FMO4: variants seen among roughly 807,000 people sequenced by gnomAD.
The protein encoded by FMO4 is flavin containing dimethylaniline monoxygenase 4.
In FMO4, 38 loss-of-function variants were observed where a neutral mutation model predicts 43.3. The observed-to-expected ratio is 0.88, with a 90% CI of 0.68 to 1.15. The LOEUF (loss-of-function observed/expected upper bound fraction) is 1.15. FMO4 is among the 50% of genes most tolerant of loss of function. The pLI, the probability that FMO4 is intolerant of heterozygous loss-of-function variation, is 0.00. For synonymous variants in FMO4, 224 were observed against 232.2 expected, an observed-to-expected ratio of 0.96 and a Z score of 0.32; for missense variants, 631 against 663.3, an observed-to-expected ratio of 0.95 and a Z score of 0.54.
intron 5 of FMO4, among the ~76,000 whole-genome samples, chr1:171,324,626 T>C (rs952626175): frequency 1.9e-4 from 29 of 152,112 alleles, no homozygotes; most frequent in Non-Finnish European, 4.4e-5. Flanking sequence ...AAATTACAGG[T>C]AATTTGAATC....
At chr1:171,331,602 TA>T (rs1558040551) in intron 5 of FMO4, 37 bp from the exon 6 acceptor site, 1 of 1,606,038 alleles carries the variant, frequency 6.2e-7, no homozygotes, top group Admixed American at 1.7e-5. Flanking sequence ...ATTATAACTT[TA>T]GACATTTCAG....
rs764452020 is a variant in FMO4 at position 171,341,643 on chromosome 1, T to C, written c.1481T>C (p.Leu494Ser). The change falls in exon 10 of 10, where the codon TTG (leucine) becomes TCG (serine). Residue 494 changes from leucine to serine, a missense_variant. Physicochemically the swap from Leu to Ser is moderately radical, Grantham distance 145. Coordinates refer to ENST00000367749, the MANE Select transcript of FMO4 (RefSeq NM_002022.3). ...NAILTQWDRT[L>S]KPLKTRIVPD... Reference sequence around the variant, plus strand: ...ATCCTGACCCAGTGGGACAGAACATTGAAACCTTTAAAAACTCGAATTGTC... The same window carrying C: ...ATCCTGACCCAGTGGGACAGAACATCGAAACCTTTAAAAACTCGAATTGTC... 1 of 1,613,976 alleles carries C rather than the reference T, an allele frequency of 6.2e-7. No homozygotes were observed. Among genetic ancestry groups the C allele is most frequent in the Non-Finnish European group, 8.5e-7 (1 of 1,179,974 alleles).
Position 171,341,684 on chromosome 1 carries a change from C to G in FMO4, c.1522C>G (p.Pro508Ala). The change falls in exon 10 of 10, where the codon CCT (proline) becomes GCT (alanine). Residue 508 changes from proline (P) to alanine (A), a missense_variant. Physicochemically the swap from Pro to Ala is conservative, Grantham distance 27. Coordinates refer to ENST00000367749, the MANE Select transcript of FMO4 (RefSeq NM_002022.3). ...TCGAATTGTCCCTGATTCCTCCAAGCCTGCCTCCATGTCACATTATTTAAA... is the reference window on the plus strand; with the variant it reads ...TCGAATTGTCCCTGATTCCTCCAAGGCTGCCTCCATGTCACATTATTTAAA... ...KTRIVPDSSK[P>A]ASMSHYLKAW... 6.2e-7 allele frequency: 1 copy of G among 1,613,938 alleles called. No individual in the cohort carries two copies. Among genetic ancestry groups the G allele is most frequent in the Non-Finnish European group, 8.5e-7 (1 of 1,179,994 alleles).
In FMO4 at chr1:171,341,615, G is replaced by T; in HGVS notation, c.1453G>T (p.Ala485Ser). 1 of 1,613,958 alleles carries T rather than the reference G, an allele frequency of 6.2e-7. No homozygotes were observed. Among genetic ancestry groups the T allele is most frequent in the Non-Finnish European group, 8.5e-7 (1 of 1,179,948 alleles). The change falls in exon 10 of 10, where the codon GCC becomes TCC. Residue 485 changes from alanine (A) to serine (S), a missense_variant. Transcript: ENST00000367749. ...TGGAAAATGGGATGGAGCCAGAAAT[G>T]CCATCCTGACCCAGTGGGACAGAAC... The part of the protein sequence containing the change: ...GPGKWDGARN[A>S]ILTQWDRTLK...
intron 1 of FMO4, among the ~76,000 whole-genome samples, chr1:171,315,489 G>A (rs375948755): frequency 2.6e-5 from 4 of 151,638 alleles, no homozygotes; most frequent in African/African-American, 9.7e-5. Flanking sequence ...GTCCTTTCAA[G>A]CTTGAAGGAA....
intron 8 of FMO4, among the ~76,000 whole-genome samples, chr1:171,336,289 T>C (rs573103903): frequency 2.0e-5 from 3 of 151,844 alleles, no homozygotes; most frequent in Admixed American, 6.6e-5. Context: ...GGGACAGAGT[T>C]TACATTATAA....
intron 9 of FMO4, 23 bp from the exon 10 acceptor site, chr1:171,341,390 T>C: frequency 6.3e-7 from 1 of 1,588,072 alleles, no homozygotes; most frequent in East Asian, 2.2e-5. Flanking sequence ...TAATGAAAGG[T>C]CCTCCCTCTT....
chr1:171,315,807 GT>G (rs1422586897), intron 1 of FMO4, among the ~76,000 whole-genome samples: 6 of 152,126 alleles, frequency 3.9e-5, no homozygotes, highest in Non-Finnish European at 5.9e-5. Flanking sequence ...TGCCCAGCAC[GT>G]TTTTAACCCC....
In FMO4 at chr1:171,319,947, G is replaced by C; in HGVS notation, c.122G>C (p.Trp41Ser). Reference protein sequence around the residue: ...FERSDDIGGLWKFTESSKDGM... With the variant: ...FERSDDIGGLSKFTESSKDGM... The stretch of plus-strand genomic sequence containing the variant: ...AGAAGTGATGACATTGGGGGATTAT[G>C]GAAGTTTACTGTACGTGGTTCATCT... The change falls in exon 3 of 10, where the codon TGG (tryptophan) becomes TCG (serine). Residue 41 changes from tryptophan to serine, a missense_variant. Physicochemically the swap from Trp to Ser is radical, Grantham distance 177 (BLOSUM62 -3). Transcript: ENST00000367749. 6.2e-7 allele frequency: 1 copy of C among 1,613,812 alleles called. No homozygotes were observed. Among genetic ancestry groups the C allele is most frequent in the Non-Finnish European group, 8.5e-7 (1 of 1,179,762 alleles).
At chr1:171,340,042 T>C (rs1663304383) in intron 9 of FMO4, among the ~76,000 whole-genome samples, 1 of 152,176 alleles carries the variant, frequency 6.6e-6, no homozygotes, top group Admixed American at 6.5e-5. Context: ...TCGCTTGCCC[T>C]CGTGCCTGGG....
At chr1:171,335,828 C>T (rs1406560267) in intron 8 of FMO4, among the ~76,000 whole-genome samples, 1 of 152,088 alleles carries the variant, frequency 6.6e-6, no homozygotes, top group Non-Finnish European at 1.5e-5. Flanking sequence ...TAAATTACCA[C>T]AAATTTCTGT....
chr1:171,319,692 G>T (rs959579806), intron 2 of FMO4, 126 bp from the exon 3 acceptor site: 4 of 717,014 alleles, frequency 5.6e-6, no homozygotes, highest in Non-Finnish European at 9.2e-6. Context: ...TAAGCAGCAT[G>T]TGATTCTGCC....
At chr1:171,337,465 A>G (rs759173642) in intron 9 of FMO4, 40 bp downstream of exon 9, 4 of 1,337,898 alleles carry the variant, frequency 3.0e-6, no homozygotes, top group Admixed American at 1.7e-5. Flanking sequence ...CTTACAGTAT[A>G]TTCTGTTACA....
rs756383422 is a variant in FMO4 at position 171,341,411 on chromosome 1, A to C, written c.1251-2A>C. On this transcript the variant is annotated splice_acceptor_variant, in intron 9 of 9. Coordinates refer to ENST00000367749, the MANE Select transcript of FMO4 (RefSeq NM_002022.3). LOFTEE classifies it high-confidence loss of function. ...AAGGTCCTCCCTCTTTTTTCCTCTCAGGGGAGTGTTTAAAGACACCAGCAA... is the reference window on the plus strand; with the variant it reads ...AAGGTCCTCCCTCTTTTTTCCTCTCCGGGGAGTGTTTAAAGACACCAGCAA... 1 of 1,610,582 alleles carries C rather than the reference A, an allele frequency of 6.2e-7. No homozygotes were observed. The highest frequency in any genetic ancestry group is 8.5e-7 in the Non-Finnish European group (1 of 1,178,244).
intron 2 of FMO4, among the ~76,000 whole-genome samples, chr1:171,318,401 A>T (rs1208763598): frequency 1.3e-5 from 2 of 152,080 alleles, no homozygotes; most frequent in Non-Finnish European, 2.9e-5. Flanking sequence ...CTGTAATACT[A>T]GCACTTTGGG....
intron 4 of FMO4, among the ~76,000 whole-genome samples, chr1:171,323,499 AC>A (rs1407598612): frequency 2.0e-5 from 3 of 152,072 alleles, no homozygotes; most frequent in Non-Finnish European, 4.4e-5. Context: ...TTCCACCTTT[AC>A]TAAAAATACA....
intron 5 of FMO4, among the ~76,000 whole-genome samples, chr1:171,331,407 A>T (rs1049745919): frequency 5.3e-5 from 8 of 152,196 alleles, no homozygotes; most frequent in Non-Finnish European, 1.2e-4. Flanking sequence ...ATTCATATGG[A>T]ATTCAAGATT....
intron 2 of FMO4, among the ~76,000 whole-genome samples, chr1:171,318,541 A>G (rs1206237511): frequency 1.3e-5 from 2 of 152,072 alleles, no homozygotes; most frequent in Admixed American, 6.6e-5. Context: ...AAGTCTTTTC[A>G]GATTTTGGAA....
intron 5 of FMO4, among the ~76,000 whole-genome samples, chr1:171,328,668 C>A (rs955532150): frequency 2.0e-5 from 3 of 150,622 alleles, no homozygotes; most frequent in African/African-American, 7.3e-5. Context: ...AAAAAAAGTT[C>A]TTTGAGGGTG....
Sources: allele counts gnomAD v4.1 joint callset (sites outside exome capture counted in the v4.1 genomes callset), GRCh38; gene constraint gnomAD v4.1.1; transcripts MANE v1.5; gene names NCBI Gene and HGNC (gene_info 2026-07-23, HGNC 2026-07-21).